DSTN: variants seen among roughly 807,000 people sequenced by gnomAD.
DSTN encodes destrin, actin depolymerizing factor.
In DSTN, 10 loss-of-function variants were observed where a neutral mutation model predicts 16.8. That is an observed-to-expected ratio of 0.60 (90% confidence interval 0.37 to 1.01). DSTN has a LOEUF of 1.01. Ranked by LOEUF, DSTN falls within the 50% of genes least tolerant of loss-of-function variation. The pLI, the probability that DSTN is intolerant of heterozygous loss-of-function variation, is 0.01. For synonymous variants in DSTN, 57 were observed against 58.9 expected (o/e 0.97, Z 0.14); for missense variants, 141 against 196.7 (o/e 0.72, Z 1.69).
intron 1 of DSTN, among the ~76,000 whole-genome samples, chr20:17,574,870 G>GTTTTTTTTTTTTTTTTT (rs533880691): frequency 6.2e-5 from 5 of 81,170 alleles, no homozygotes; most frequent in South Asian, 6.0e-4. Flanking sequence ...CTTTTCTTTT[G>GTTTTTTTTTTTTTTTTT]TTTTTTTTTT....
intron 1 of DSTN, among the ~76,000 whole-genome samples, chr20:17,576,992 A>G (rs1366063347): frequency 6.6e-6 from 1 of 152,230 alleles, no homozygotes; most frequent in Non-Finnish European, 1.5e-5. Flanking sequence ...CATATGGAAA[A>G]TTCTACATCT....
chr20:17,602,712 T>C (rs1393938549), intron 2 of DSTN, among the ~76,000 whole-genome samples: 1 of 152,174 alleles, frequency 6.6e-6, no homozygotes, highest in Non-Finnish European at 1.5e-5. Flanking sequence ...TTTTTATGTT[T>C]CTGACCTATT....
Position 17,570,221 on chromosome 20 carries a change from A to G in DSTN, c.3+10A>G. ...CGCCGCGGCGAAGATGGTGAGTAGG[A>G]GGGAGGCCGAGGCGTGGGCCGAGGC... On this transcript the variant is annotated intron_variant, in intron 1 of 3. Coordinates refer to ENST00000246069, the MANE Select transcript of DSTN (RefSeq NM_006870.4). 1 of 1,508,374 alleles carries G rather than the reference A, an allele frequency of 6.6e-7. No individual in the cohort carries two copies. Among genetic ancestry groups the G allele is most frequent in the Non-Finnish European group, 8.8e-7 (1 of 1,132,414 alleles). 93.4% of individuals were successfully genotyped at this position (1,508,374 alleles called of 1,614,324 possible). A position where few individuals can be genotyped will look rare whatever the true frequency, so the allele number is the denominator to read the frequency against.
chr20:17,609,326 C>T lies in DSTN; in HGVS notation c.*2180C>T, dbSNP rs1044383812. 2.6e-5 allele frequency: 4 copies of T among 152,220 alleles called. No individual in the cohort carries two copies. The highest frequency in any genetic ancestry group is 9.7e-5 in the African/African-American group (4 of 41,416). The allele number at this position is 152,220 out of a possible 1,614,324, so 9.4% of individuals were successfully genotyped here. Reference sequence around the variant, plus strand: ...TCCAGCAAGCCTCCTGCCTTGGCCTCCTAAAGTGCTGTGATTACAGGTGTG... The same window carrying T: ...TCCAGCAAGCCTCCTGCCTTGGCCTTCTAAAGTGCTGTGATTACAGGTGTG... On this transcript the variant is annotated 3_prime_UTR_variant, in exon 4 of 4. Transcript: ENST00000246069.
chr20:17,596,395 A>T (rs13044119), intron 1 of DSTN, among the ~76,000 whole-genome samples: 15,127 of 152,080 alleles, frequency 0.099, 880 homozygotes, highest in African/African-American at 0.14. Flanking sequence ...CTCCACCTAG[A>T]TGTCTTGCAC....
intron 3 of DSTN, 85 bp downstream of exon 3, chr20:17,604,716 T>G: frequency 7.6e-7 from 1 of 1,318,118 alleles, no homozygotes; most frequent in Non-Finnish European, 1.0e-6. Flanking sequence ...GCACCTTATT[T>G]TTTTGCAGAG....
At chr20:17,606,612 T>C (rs188496715) in intron 3 of DSTN, among the ~76,000 whole-genome samples, 1 of 152,360 alleles carries the variant, frequency 6.6e-6, no homozygotes, top group East Asian at 1.9e-4. Context: ...TAGAATGTGT[T>C]GAATTTTTCA....
chr20:17,574,580 G>T (rs1206828614), intron 1 of DSTN, among the ~76,000 whole-genome samples: 2 of 151,842 alleles, frequency 1.3e-5, no homozygotes, highest in African/African-American at 4.8e-5. Flanking sequence ...AAAGTCTATA[G>T]CTGGGCGTGG....
chr20:17,582,645 T>G (rs149398331), intron 1 of DSTN, among the ~76,000 whole-genome samples: 1 of 152,272 alleles, frequency 6.6e-6, no homozygotes, highest in Non-Finnish European at 1.5e-5. Flanking sequence ...CAATTGGATA[T>G]CCGCATGCAA....
At position 17,607,356 on chromosome 20, in the gene DSTN, A is replaced by G. The variant is rs1051084; in HGVS notation, c.*210A>G. The stretch of plus-strand genomic sequence containing the variant: ...ATGTGAAATTAAATTCTTATTGGCC[A>G]AATGCCTGTTTTGATGAGTTGATTT... On this transcript the variant is annotated 3_prime_UTR_variant, in exon 4 of 4. Transcript: ENST00000246069. 4.5e-6 allele frequency: 2 copies of G among 449,210 alleles called. No individual in the cohort carries two copies. Among genetic ancestry groups the G allele is most frequent in the Non-Finnish European group, 7.8e-6 (2 of 257,236 alleles). 27.8% of individuals were successfully genotyped at this position (449,210 alleles called of 1,614,324 possible). A position where few individuals can be genotyped will look rare whatever the true frequency, so the allele number is the denominator to read the frequency against.
intron 1 of DSTN, among the ~76,000 whole-genome samples, chr20:17,589,727 G>T (rs1257110000): frequency 6.6e-6 from 1 of 152,182 alleles, no homozygotes; most frequent in Non-Finnish European, 1.5e-5. Flanking sequence ...CGTGAACCCA[G>T]TTTTTAACTC....
intron 1 of DSTN, among the ~76,000 whole-genome samples, chr20:17,597,196 A>G (rs1269275299): frequency 6.6e-6 from 1 of 152,236 alleles, no homozygotes. Context: ...AAGGTTTAAG[A>G]AAAGTGCTTT....
intron 3 of DSTN, among the ~76,000 whole-genome samples, chr20:17,606,568 A>G (rs775860181): frequency 4.0e-4 from 61 of 152,360 alleles, no homozygotes; most frequent in Non-Finnish European, 7.1e-4. Context: ...AAAGTACAAC[A>G]TATCTTTAGA....
chr20:17,602,937 T>C (rs1271453974), intron 2 of DSTN, among the ~76,000 whole-genome samples: 1 of 152,118 alleles, frequency 6.6e-6, no homozygotes, highest in African/African-American at 2.4e-5. Context: ...GGAGAATCGC[T>C]TGAATCTGGG....
chr20:17,590,839 G>T (rs2035461379), intron 1 of DSTN, among the ~76,000 whole-genome samples: 1 of 152,182 alleles, frequency 6.6e-6, no homozygotes, highest in South Asian at 2.1e-4. Context: ...GGGCATGGTG[G>T]CTCACACCTG....
chr20:17,574,860 C>CTTTTTTTTTTTTTTTTTTTTT, intron 1 of DSTN, among the ~76,000 whole-genome samples: 1 of 67,220 alleles, frequency 1.5e-5, no homozygotes, highest in African/African-American at 6.4e-5. Flanking sequence ...TTTTTCTTTT[C>CTTTTTTTTTTTTTTTTTTTTT]TTTTCTTTTG....
chr20:17,578,506 A>G (rs1412924587), intron 1 of DSTN, among the ~76,000 whole-genome samples: 1 of 152,242 alleles, frequency 6.6e-6, no homozygotes, highest in African/African-American at 2.4e-5. Flanking sequence ...CAAGATAGTT[A>G]AGGCAGTTAT....
Position 17,608,750 on chromosome 20 carries a change from T to C in DSTN, c.*1604T>C, listed in dbSNP as rs1368929110. On this transcript the variant is annotated 3_prime_UTR_variant, in exon 4 of 4. Transcript: ENST00000246069. Reference sequence around the variant, plus strand: ...CAAAATTATAAATTCACATTTAAAATTTAGAAAATAGAGAAAAGGGAAATT... The same window carrying C: ...CAAAATTATAAATTCACATTTAAAACTTAGAAAATAGAGAAAAGGGAAATT... The C allele has an allele frequency of 6.6e-6, 1 of 152,136 alleles. No homozygotes were observed. Among genetic ancestry groups the C allele is most frequent in the Non-Finnish European group, 1.5e-5 (1 of 68,030 alleles). 9.4% of individuals were successfully genotyped at this position (152,136 alleles called of 1,614,324 possible). A position where few individuals can be genotyped will look rare whatever the true frequency, so the allele number is the denominator to read the frequency against.
At chr20:17,580,576 GTC>G (rs2035331210) in intron 1 of DSTN, among the ~76,000 whole-genome samples, 3 of 152,168 alleles carry the variant, frequency 2.0e-5, no homozygotes, top group African/African-American at 7.2e-5. Context: ...GTGAAACCCT[GTC>G]TCTACTAAAA....
Sources: allele counts gnomAD v4.1 joint callset (sites outside exome capture counted in the v4.1 genomes callset), GRCh38; gene constraint gnomAD v4.1.1; transcripts MANE v1.5; gene names NCBI Gene and HGNC (gene_info 2026-07-23, HGNC 2026-07-21).